The following HEG1 variants were observed in gnomAD, a reference collection of about 807,000 sequenced individuals.
HEG1 encodes the protein heart development protein with EGF like domains 1.
Under a neutral mutation model 125.6 loss-of-function variants are expected in HEG1, and 56 were observed. The ratio of observed to expected loss-of-function variants is 0.45; its 90% CI spans 0.36 to 0.56. HEG1 has a LOEUF of 0.56. Ranked by LOEUF, HEG1 falls within the 20% of genes least tolerant of loss-of-function variation. The pLI, the probability that HEG1 is intolerant of heterozygous loss-of-function variation, is 0.00. For missense variants in HEG1, 1,523 were observed against 1,670.0 expected, an observed-to-expected ratio of 0.91 and a Z score of 1.53; for synonymous variants, 644 against 668.5, an observed-to-expected ratio of 0.96 and a Z score of 0.57.
chr3:124,986,337 C>A (rs1462501950), intron 14 of HEG1, among the ~76,000 whole-genome samples: 1 of 152,110 alleles, frequency 6.6e-6, no homozygotes, highest in Non-Finnish European at 1.5e-5. Flanking sequence ...CCAGGAAGGC[C>A]CCTGCTGTCT....
intron 3 of HEG1, among the ~76,000 whole-genome samples, chr3:125,024,462 T>C (rs1579425966): frequency 6.6e-6 from 1 of 152,360 alleles, no homozygotes; most frequent in East Asian, 1.9e-4. Context: ...TTTTTCCCTG[T>C]TCGTTGCTTT....
At position 125,005,235 on chromosome 3, in the gene HEG1, G is replaced by A. The variant is rs1434680966; in HGVS notation, c.3297+30C>T. ...AAATCTGTTCTAGGAAACAAAAGACGAGTAGAAAGATGCCATTCAGGACAC... is the reference window on the plus strand; with the variant it reads ...AAATCTGTTCTAGGAAACAAAAGACAAGTAGAAAGATGCCATTCAGGACAC... On this transcript the variant is annotated intron_variant, in intron 9 of 16. Transcript: ENST00000311127. The A allele has an allele frequency of 3.9e-6, 5 of 1,297,180 alleles. No homozygotes were observed. In the African/African-American group the frequency reaches 4.4e-5, roughly 11 times the overall value. The allele number at this position is 1,297,180 out of a possible 1,614,324, so 80.4% of individuals were successfully genotyped here.
At chr3:125,035,731 T>A (rs1937542540) in intron 1 of HEG1, among the ~76,000 whole-genome samples, 1 of 152,114 alleles carries the variant, frequency 6.6e-6, no homozygotes, top group South Asian at 2.1e-4. Flanking sequence ...AAAATACATG[T>A]GTGAATAAAT....
chr3:125,037,867 G>C (rs114510087), intron 1 of HEG1, among the ~76,000 whole-genome samples: 2,396 of 152,290 alleles, frequency 0.016, 57 homozygotes, highest in African/African-American at 0.053. Flanking sequence ...ATGATCTTAA[G>C]TGAGATCCTT....
At chr3:125,032,114 A>G (rs1937508957) in intron 1 of HEG1, among the ~76,000 whole-genome samples, 1 of 152,186 alleles carries the variant, frequency 6.6e-6, no homozygotes, top group African/African-American at 2.4e-5. Flanking sequence ...TAGGAGCCAC[A>G]TCTCAAGAGC....
chr3:124,988,376 G>C (rs1306450598), intron 14 of HEG1, among the ~76,000 whole-genome samples: 1 of 152,076 alleles, frequency 6.6e-6, no homozygotes, highest in Admixed American at 6.6e-5. Flanking sequence ...AGCCTACCCT[G>C]TTCAGCATTG....
intron 12 of HEG1, among the ~76,000 whole-genome samples, chr3:124,993,348 A>C (rs1936862755): frequency 6.6e-6 from 1 of 152,224 alleles, no homozygotes. Flanking sequence ...TTTATGCCAC[A>C]GGTAGAGCAT....
At chr3:124,980,408 G>T (rs1220184445) in intron 14 of HEG1, among the ~76,000 whole-genome samples, 1 of 152,240 alleles carries the variant, frequency 6.6e-6, no homozygotes, top group African/African-American at 2.4e-5. Context: ...CCTTTCAAGT[G>T]GCTGCAGCTG....
intron 1 of HEG1, among the ~76,000 whole-genome samples, chr3:125,030,593 C>G (rs1409091918): frequency 1.3e-5 from 2 of 152,142 alleles, no homozygotes; most frequent in African/African-American, 2.4e-5. Flanking sequence ...TTCAAATAGA[C>G]TTTATATGTA....
chr3:125,035,518 T>C (rs917852997), intron 1 of HEG1, among the ~76,000 whole-genome samples: 1 of 152,186 alleles, frequency 6.6e-6, no homozygotes, highest in Admixed American at 6.5e-5. Flanking sequence ...ATTTTCAACG[T>C]GCTGAGAGAG....
rs768579392 is a variant in HEG1 at position 125,009,736 on chromosome 3, C to T, written c.3162G>A (p.Gly1054=). ...TGCATATCCCTTTTTCCAACTGGTA[C>T]CCAACCGGGCATTTGCAGATAAAGG... The part of the protein sequence containing the change: ...QGSFICKCPV[G]YQLEKGICNL... The change falls in exon 8 of 17, where the codon GGG becomes GGA. Residue 1054 remains glycine (G), a synonymous_variant. Coordinates refer to ENST00000311127, the MANE Select transcript of HEG1 (RefSeq NM_020733.2). The T allele has an allele frequency of 9.3e-6, 15 of 1,613,266 alleles. No individual in the cohort carries two copies. In the Admixed American group the frequency reaches 2.3e-4, roughly 25 times the overall value.
intron 8 of HEG1, 81 bp from the exon 9 acceptor site, chr3:125,005,449 T>A: frequency 1.4e-6 from 1 of 710,426 alleles, no homozygotes; most frequent in Non-Finnish European, 2.3e-6. Context: ...CTCTGGGGTG[T>A]CCGGCTTTAC....
intron 14 of HEG1, among the ~76,000 whole-genome samples, chr3:124,979,221 G>A (rs1217807550): frequency 1.3e-5 from 2 of 152,172 alleles, no homozygotes; most frequent in African/African-American, 4.8e-5. Context: ...CAAAGTGCTG[G>A]GATTACAGGC....
At position 125,013,453 on chromosome 3, in the gene HEG1, G is replaced by C. The variant is rs771800242; in HGVS notation, c.2126C>G (p.Ser709Cys). The stretch of plus-strand genomic sequence containing the variant: ...TGATGGTGAGGAAGACCATGGTGTG[G>C]ATGCATCAGAGGTAGACTTTAGTAG... ...VHLLKSTSDA[S>C]TPWSSSPSPL... Residue 709 changes from serine (S) to cysteine (C), a missense_variant, in exon 6 of 17, where the codon TCC becomes TGC. Transcript: ENST00000311127. 1.9e-6 allele frequency: 3 copies of C among 1,613,766 alleles called. No individual in the cohort carries two copies. The highest frequency in any genetic ancestry group is 2.5e-6 in the Non-Finnish European group (3 of 1,179,824).
chr3:124,978,734 G>A (rs1579395512), intron 14 of HEG1, among the ~76,000 whole-genome samples: 2 of 151,690 alleles, frequency 1.3e-5, no homozygotes, highest in African/African-American at 4.8e-5. Context: ...CCAGGAGACC[G>A]AGGTTGCTGT....
intron 16 of HEG1, among the ~76,000 whole-genome samples, chr3:124,971,435 CCTTT>C (rs758847486): frequency 5.1e-4 from 71 of 138,950 alleles, no homozygotes; most frequent in South Asian, 2.3e-3. Flanking sequence ...TTCTCCTTTC[CCTTT>C]CTTTCTTTTT....
chr3:125,048,281 G>A (rs1356739065), intron 1 of HEG1, among the ~76,000 whole-genome samples: 1 of 152,228 alleles, frequency 6.6e-6, no homozygotes, highest in Non-Finnish European at 1.5e-5. Flanking sequence ...AAGAGACCTT[G>A]CAACCAGAGC....
At chr3:125,010,938 T>TC (rs1166723483) in intron 6 of HEG1, among the ~76,000 whole-genome samples, 1 of 152,138 alleles carries the variant, frequency 6.6e-6, no homozygotes, top group Non-Finnish European at 1.5e-5. Context: ...ATCAACTCAT[T>TC]CCCCCGCTAG....
chr3:125,028,659 T>C (rs371033535), intron 2 of HEG1, among the ~76,000 whole-genome samples: 8 of 152,232 alleles, frequency 5.3e-5, no homozygotes, highest in African/African-American at 1.9e-4. Context: ...CATGATCTCA[T>C]AGGCTTGCTA....
Sources: allele counts gnomAD v4.1 joint callset (sites outside exome capture counted in the v4.1 genomes callset), GRCh38; gene constraint gnomAD v4.1.1; transcripts MANE v1.5; gene names NCBI Gene and HGNC (gene_info 2026-07-23, HGNC 2026-07-21).